The following CSMD1 variants were observed in gnomAD, a reference collection of about 807,000 sequenced individuals.
CSMD1 encodes the protein CUB and sushi domain-containing protein 1.
In CSMD1, 213 loss-of-function variants were observed where a neutral mutation model predicts 417.5. The ratio of observed to expected loss-of-function variants is 0.51; its 90% CI spans 0.46 to 0.57. CSMD1 has a LOEUF of 0.57. Ranked by LOEUF, CSMD1 falls within the 20% of genes least tolerant of loss-of-function variation. The probability of loss-of-function intolerance (pLI) is 0.00; values close to 1 mark genes in which losing one functional copy is unlikely to be tolerated. For missense variants in CSMD1, 6,923 were observed against 4,529.7 expected (o/e 1.53, Z -15.17); for synonymous variants, 2,862 against 1,736.8 (o/e 1.65, Z -16.11).
intron 10 of CSMD1, among the ~76,000 whole-genome samples, chr8:3,507,241 T>C (rs887281959): frequency 1.8e-4 from 27 of 152,350 alleles, no homozygotes; most frequent in Non-Finnish European, 3.7e-4. Flanking sequence ...AATATTTTTT[T>C]TGTAGAAGTA....
At chr8:4,978,326 C>G (rs1452229884) in intron 1 of CSMD1, among the ~76,000 whole-genome samples, 2 of 152,182 alleles carry the variant, frequency 1.3e-5, no homozygotes, top group African/African-American at 2.4e-5. Flanking sequence ...TCAGGACACT[C>G]TAATCTTGGA....
At chr8:3,804,940 T>C (rs1296941225) in intron 5 of CSMD1, among the ~76,000 whole-genome samples, 1 of 152,194 alleles carries the variant, frequency 6.6e-6, no homozygotes, top group African/African-American at 2.4e-5. Flanking sequence ...CAGTAATGAA[T>C]GACTTCTCCA....
intron 3 of CSMD1, among the ~76,000 whole-genome samples, chr8:4,319,662 G>T (rs186662916): frequency 1.3e-5 from 2 of 152,176 alleles, no homozygotes; most frequent in Non-Finnish European, 2.9e-5. Flanking sequence ...GGAAAGAGAG[G>T]CCAGGGAACA....
chr8:4,851,531 T>A (rs968039901), intron 1 of CSMD1, among the ~76,000 whole-genome samples: 5 of 152,126 alleles, frequency 3.3e-5, no homozygotes, highest in East Asian at 3.9e-4. Flanking sequence ...TTCTCCAGGG[T>A]TGAGGTAGTC....
rs181109504 is a variant in CSMD1 at position 4,852,933 on chromosome 8, C to T, written c.85+141399G>A. Among the ~76,000 whole-genome samples, 654 of 152,222 alleles carry T rather than the reference C, an allele frequency of 4.3e-3. 4 individuals are homozygous for T. The highest frequency in any genetic ancestry group is 0.014 in the African/African-American group (601 of 41,520). ...TTAAGAATGATGAGAGGGTACATGG[C>T]AGAAGGAATTTCTAAGCAGCAATGC... On this transcript the variant is annotated intron_variant, in intron 1 of 69. Transcript: ENST00000635120.
At chr8:4,046,366 T>C (rs904432896) in intron 3 of CSMD1, among the ~76,000 whole-genome samples, 1 of 152,210 alleles carries the variant, frequency 6.6e-6, no homozygotes, top group Non-Finnish European at 1.5e-5. Flanking sequence ...ATAAACACTT[T>C]AATTTACTTG....
chr8:3,220,316 T>A (rs1277180001), intron 28 of CSMD1, among the ~76,000 whole-genome samples: 3 of 152,208 alleles, frequency 2.0e-5, no homozygotes, highest in Non-Finnish European at 1.5e-5. Flanking sequence ...CATTTTTCTG[T>A]TTCTCTCTGC....
intron 23 of CSMD1, among the ~76,000 whole-genome samples, chr8:3,309,992 C>T (rs904775839): frequency 1.3e-5 from 2 of 152,150 alleles, no homozygotes; most frequent in African/African-American, 4.8e-5. Context: ...TACGATAACC[C>T]TGATCTATTT....
intron 3 of CSMD1, among the ~76,000 whole-genome samples, chr8:4,040,181 G>A (rs368290331): frequency 6.6e-6 from 1 of 152,178 alleles, no homozygotes; most frequent in Non-Finnish European, 1.5e-5. Context: ...AGTTGTAATG[G>A]AAGTGAAGGA....
At chr8:4,845,866 A>C (rs915172926) in intron 1 of CSMD1, among the ~76,000 whole-genome samples, 2 of 152,172 alleles carry the variant, frequency 1.3e-5, no homozygotes, top group Admixed American at 6.5e-5. Context: ...CCCACTACCT[A>C]ATGAGGATTT....
chr8:4,797,680 G>A (rs1370942613), intron 1 of CSMD1, among the ~76,000 whole-genome samples: 1 of 152,178 alleles, frequency 6.6e-6, no homozygotes, highest in Non-Finnish European at 1.5e-5. Context: ...TAATAGGAAT[G>A]CTTTCCTTAA....
At chr8:4,232,814 C>A (rs1409660005) in intron 3 of CSMD1, among the ~76,000 whole-genome samples, 2 of 152,122 alleles carry the variant, frequency 1.3e-5, no homozygotes, top group African/African-American at 2.4e-5. Flanking sequence ...GCCTCGAAAT[C>A]TAAAAGACAA....
At chr8:4,339,512 G>A (rs1264863674) in intron 3 of CSMD1, among the ~76,000 whole-genome samples, 1 of 152,058 alleles carries the variant, frequency 6.6e-6, no homozygotes, top group Non-Finnish European at 1.5e-5. Context: ...AAATTTATAA[G>A]ACTTCAATTT....
At chr8:3,430,473 A>G (rs1444580331) in intron 12 of CSMD1, among the ~76,000 whole-genome samples, 1 of 152,152 alleles carries the variant, frequency 6.6e-6, no homozygotes, top group Non-Finnish European at 1.5e-5. Context: ...CAAGTAGATG[A>G]TGGTTATGAA....
intron 7 of CSMD1, among the ~76,000 whole-genome samples, chr8:3,623,732 T>G (rs1796366479): frequency 6.6e-6 from 1 of 152,040 alleles, no homozygotes; most frequent in Non-Finnish European, 1.5e-5. Flanking sequence ...TCCTAGCACT[T>G]TGGGAGGCCA....
At chr8:4,476,029 T>G (rs766254003) in intron 2 of CSMD1, among the ~76,000 whole-genome samples, 1 of 152,100 alleles carries the variant, frequency 6.6e-6, no homozygotes, top group South Asian at 2.1e-4. Flanking sequence ...ACAAAAGCAA[T>G]GTATTATTTA....
chr8:4,989,904 C>T (rs1054932971), intron 1 of CSMD1, among the ~76,000 whole-genome samples: 1 of 152,156 alleles, frequency 6.6e-6, no homozygotes, highest in African/African-American at 2.4e-5. Context: ...GTTTGCTTGA[C>T]ACAATAAACT....
At chr8:3,155,263 T>C (rs1780172445) in intron 39 of CSMD1, among the ~76,000 whole-genome samples, 1 of 151,068 alleles carries the variant, frequency 6.6e-6, no homozygotes. Flanking sequence ...CATTTAAAAA[T>C]AAATAGGCAG....
intron 1 of CSMD1, among the ~76,000 whole-genome samples, chr8:4,890,987 C>T (rs1458829798): frequency 2.6e-5 from 4 of 152,072 alleles, no homozygotes; most frequent in Admixed American, 6.5e-5. Context: ...AGTAAGAACA[C>T]ATGTTTTCAA....
Sources: allele counts gnomAD v4.1 joint callset (sites outside exome capture counted in the v4.1 genomes callset), GRCh38; gene constraint gnomAD v4.1.1; transcripts MANE v1.5; gene names NCBI Gene and HGNC (gene_info 2026-07-23, HGNC 2026-07-21).